SGCD: variants seen among roughly 807,000 people sequenced by gnomAD.
SGCD encodes sarcoglycan delta.
SGCD carries 18 observed loss-of-function variants against 36.6 expected under a neutral mutation model. The ratio of observed to expected loss-of-function variants is 0.49; its 90% confidence interval spans 0.34 to 0.73. SGCD has a LOEUF of 0.73. Among genes scored for constraint, SGCD ranks in the 30% least tolerant of loss-of-function variants. The pLI is 0.01. For synonymous variants in SGCD, 133 were observed against 130.6 expected (o/e 1.02, Z -0.12); for missense variants, 387 against 346.7 (o/e 1.12, Z -0.92).
At chr5:155,857,317 C>A in the SGCD span, among the ~76,000 whole-genome samples, 2 of 152,158 alleles carry the variant, frequency 1.3e-5, no homozygotes, top group Admixed American at 6.6e-5. Context: ...AAAAGGAGAT[C>A]AAAATATTTG....
intron 3 of SGCD, among the ~76,000 whole-genome samples, chr5:156,185,812 T>C (rs953216038): frequency 8.4e-6 from 1 of 118,356 alleles, no homozygotes; most frequent in South Asian, 2.8e-4. Context: ...CTTATAAATA[T>C]GGCCATATAT....
At chr5:155,890,677 T>TAGATAGATAGAC (rs1554102514) in intron 1 of SGCD, among the ~76,000 whole-genome samples, 5,773 of 150,374 alleles carry the variant, frequency 0.038, 130 homozygotes, top group African/African-American at 0.056. Context: ...GATAGATAGA[T>TAGATAGATAGAC]AGACAGATAG....
At chr5:156,607,931 T>C (rs1263912432) in intron 6 of SGCD, among the ~76,000 whole-genome samples, 3 of 152,202 alleles carry the variant, frequency 2.0e-5, no homozygotes, top group African/African-American at 4.8e-5. Context: ...TTGATTCTTC[T>C]CTTTTCTTCT....
chr5:156,415,942 A>G (rs1477969811), intron 3 of SGCD, among the ~76,000 whole-genome samples: 1 of 152,262 alleles, frequency 6.6e-6, no homozygotes, highest in Non-Finnish European at 1.5e-5. Flanking sequence ...ATATATATGT[A>G]GTGAACATAT....
intron 7 of SGCD, among the ~76,000 whole-genome samples, chr5:156,654,936 A>G (rs1373522527): frequency 2.6e-5 from 4 of 152,192 alleles, no homozygotes; most frequent in Non-Finnish European, 5.9e-5. Context: ...AAGGAATGAA[A>G]TCACCTGAAT....
At chr5:155,732,057 C>T in the SGCD span, among the ~76,000 whole-genome samples, 113 of 152,318 alleles carry the variant, frequency 7.4e-4, no homozygotes, top group African/African-American at 2.6e-3. Flanking sequence ...CTTCATCAGC[C>T]TCATTAATCA....
chr5:156,413,468 T>C (rs949596465), intron 3 of SGCD, among the ~76,000 whole-genome samples: 1 of 152,184 alleles, frequency 6.6e-6, no homozygotes, highest in Non-Finnish European at 1.5e-5. Flanking sequence ...TGAATGGTCA[T>C]GTCTTGCAGT....
intron 7 of SGCD, among the ~76,000 whole-genome samples, chr5:156,674,429 G>A (rs1753428671): frequency 6.6e-6 from 1 of 152,182 alleles, no homozygotes; most frequent in Admixed American, 6.6e-5. Context: ...TTATGCCTTA[G>A]GATGGCTCAG....
At chr5:156,443,946 C>G (rs1220977858) in intron 3 of SGCD, among the ~76,000 whole-genome samples, 1 of 152,018 alleles carries the variant, frequency 6.6e-6, no homozygotes, top group Non-Finnish European at 1.5e-5. Context: ...AATCTGCTAC[C>G]TTTATAAATC....
chr5:156,121,649 A>G (rs1174523631), intron 2 of SGCD, among the ~76,000 whole-genome samples: 1 of 152,202 alleles, frequency 6.6e-6, no homozygotes, highest in Non-Finnish European at 1.5e-5. Flanking sequence ...AGGGAAAGGA[A>G]GGGACAACCC....
At chr5:156,300,392 G>C (rs1767022352) in intron 3 of SGCD, among the ~76,000 whole-genome samples, 1 of 151,860 alleles carries the variant, frequency 6.6e-6, no homozygotes, top group African/African-American at 2.4e-5. Context: ...TCATTTAGGA[G>C]CATATTGTTT....
intron 7 of SGCD, among the ~76,000 whole-genome samples, chr5:156,722,810 T>C (rs1158459766): frequency 1.3e-5 from 2 of 152,142 alleles, no homozygotes; most frequent in Non-Finnish European, 2.9e-5. Flanking sequence ...AATCTCTCCC[T>C]TCTACTTCTA....
At chr5:156,225,365 GC>G (rs1485755328) in intron 3 of SGCD, among the ~76,000 whole-genome samples, 2 of 152,056 alleles carry the variant, frequency 1.3e-5, no homozygotes, top group Non-Finnish European at 2.9e-5. Context: ...AATAATTGAA[GC>G]TACTTAACAC....
chr5:156,531,320 A>G (rs980444570), intron 4 of SGCD, among the ~76,000 whole-genome samples: 8 of 152,226 alleles, frequency 5.3e-5, no homozygotes, highest in Non-Finnish European at 1.2e-4. Context: ...GTTAATTTCT[A>G]TTGTCTGTAA....
intron 1 of SGCD, among the ~76,000 whole-genome samples, chr5:156,098,649 C>G (rs1338016449): frequency 3.3e-5 from 5 of 151,872 alleles, no homozygotes; most frequent in Non-Finnish European, 7.4e-5. Context: ...TACACACACA[C>G]ACACACACAC....
chr5:156,625,210 C>A (rs1160579405), intron 6 of SGCD, among the ~76,000 whole-genome samples: 7 of 152,072 alleles, frequency 4.6e-5, no homozygotes, highest in Non-Finnish European at 8.8e-5. Flanking sequence ...GGCAGTGTTT[C>A]TTCACTTTTT....
chr5:156,142,614 G>A (rs1181558603), intron 3 of SGCD, among the ~76,000 whole-genome samples: 1 of 152,182 alleles, frequency 6.6e-6, no homozygotes, highest in Non-Finnish European at 1.5e-5. Context: ...CAGAGAAAAG[G>A]TCACTTTTGC....
chr5:156,331,399 G>C (rs1768061681), intron 2 of SGCD, among the ~76,000 whole-genome samples: 1 of 152,206 alleles, frequency 6.6e-6, no homozygotes, highest in South Asian at 2.1e-4. Flanking sequence ...TATAAATCCT[G>C]TGAGATTGGT....
intron 1 of SGCD, among the ~76,000 whole-genome samples, chr5:155,884,402 C>T (rs1755960379): frequency 6.6e-6 from 1 of 152,182 alleles, no homozygotes; most frequent in Non-Finnish European, 1.5e-5. Flanking sequence ...GGAGCCTTCC[C>T]ATTTAACTTT....
Sources: allele counts gnomAD v4.1 joint callset (sites outside exome capture counted in the v4.1 genomes callset), GRCh38; gene constraint gnomAD v4.1.1; transcripts MANE v1.5; gene names NCBI Gene and HGNC (gene_info 2026-07-23, HGNC 2026-07-21).